PCDHA4: variants seen among roughly 807,000 people sequenced by gnomAD.
PCDHA4 encodes the protein protocadherin alpha 4, also known as protocadherin alpha-4.
PCDHA4 carries 49 observed loss-of-function variants against 61.4 expected under a neutral mutation model. The observed-to-expected ratio is 0.80, with a 90% confidence interval of 0.63 to 1.01. PCDHA4 has a LOEUF of 1.01. Ranked by LOEUF, PCDHA4 falls within the 50% of genes least tolerant of loss-of-function variation. The pLI is 0.00. For missense variants in PCDHA4, 1,254 were observed against 1,235.8 expected (o/e 1.01, Z -0.22); for synonymous variants, 590 against 550.3 (o/e 1.07, Z -1.01).
At position 140,927,719 on chromosome 5, in the gene PCDHA4, C is replaced by A. The variant is rs144571902; in HGVS notation, c.2386-51230C>A. Reference sequence around the variant, plus strand: ...GTCCAGTACTCCCTAAGCAACAGCACGCAAGCAGAGCTGCGACACCGCTTT... The same window carrying A: ...GTCCAGTACTCCCTAAGCAACAGCAAGCAAGCAGAGCTGCGACACCGCTTT... On this transcript the variant is annotated intron_variant, in intron 1 of 3. Transcript: ENST00000530339. The A allele has an allele frequency of 2.2e-4, 352 of 1,614,178 alleles. No individual in the cohort carries two copies. In the Middle Eastern group the frequency reaches 2.3e-3, roughly 11 times the overall value.
At chr5:140,831,694 A>G (rs1771669768) in intron 1 of PCDHA4, among the ~76,000 whole-genome samples, 1 of 152,076 alleles carries the variant, frequency 6.6e-6, no homozygotes. Context: ...AAAGCAGCAA[A>G]AAGTAGTGAT....
At chr5:140,877,080 C>T in intron 1 of PCDHA4, 2 of 1,613,062 alleles carry the variant, frequency 1.2e-6, no homozygotes, top group East Asian at 2.2e-5. Context: ...TCCAGGTGAG[C>T]GCGCGCGACG....
chr5:140,883,771 G>A (rs782418376), intron 1 of PCDHA4: 11 of 1,612,346 alleles, frequency 6.8e-6, no homozygotes, highest in African/African-American at 1.3e-5. Context: ...GGGTGGGCGA[G>A]CGTGCGCTGT....
chr5:140,843,962 A>G (rs1554140497), intron 1 of PCDHA4, among the ~76,000 whole-genome samples: 1 of 149,518 alleles, frequency 6.7e-6, no homozygotes, highest in Non-Finnish European at 1.5e-5. Context: ...TTTACTGAAT[A>G]TTTATTTTGG....
chr5:140,991,308 C>T (rs374484318), intron 3 of PCDHA4, among the ~76,000 whole-genome samples: 1 of 152,282 alleles, frequency 6.6e-6, no homozygotes, highest in South Asian at 2.1e-4. Flanking sequence ...ATTATCTTGT[C>T]CCGCATGATA....
chr5:140,873,131 T>C (rs895883185), intron 1 of PCDHA4, among the ~76,000 whole-genome samples: 7 of 152,334 alleles, frequency 4.6e-5, no homozygotes, highest in Admixed American at 3.9e-4. Context: ...TCAAAGAGTC[T>C]ATGCTGAAGC....
chr5:140,834,686 G>A (rs2150224361), intron 1 of PCDHA4: 2 of 1,614,276 alleles, frequency 1.2e-6, no homozygotes, highest in Non-Finnish European at 1.7e-6. Context: ...GGAGCGCGGA[G>A]TGCAGCATCC....
At chr5:140,852,947 T>C in intron 1 of PCDHA4, 2 of 520,496 alleles carry the variant, frequency 3.8e-6, no homozygotes, top group Non-Finnish European at 2.5e-6. Flanking sequence ...GGTGCCATCT[T>C]GGCTCACTCC....
At position 140,809,160 on chromosome 5, in the gene PCDHA4, C is replaced by G; in HGVS notation, c.1973C>G (p.Ala658Gly). Residue 658 changes from alanine to glycine, a missense_variant, in exon 1 of 4, where the codon GCG (alanine) becomes GGG (glycine). Physicochemically the swap from Ala to Gly is moderately conservative, Grantham distance 60. Coordinates refer to ENST00000530339, the MANE Select transcript of PCDHA4 (RefSeq NM_018907.4). ...CTGGTGAAGGACCACGGCGAGCCCG[C>G]GCTGACGGCCACGGCCACTGTGCTG... ...LVLVKDHGEP[A>G]LTATATVLVS... 1 of 1,613,980 alleles carries G rather than the reference C, an allele frequency of 6.2e-7. No individual in the cohort carries two copies. The highest frequency in any genetic ancestry group is 8.5e-7 in the Non-Finnish European group (1 of 1,179,930).
intron 1 of PCDHA4, among the ~76,000 whole-genome samples, chr5:140,941,193 TTCTTTCTTC>T (rs1563183581): frequency 8.6e-6 from 1 of 116,638 alleles, no homozygotes; most frequent in Non-Finnish European, 1.8e-5. Flanking sequence ...TTCTTTTTTT[TTCTTTCTTC>T]CTTTCTTTCT....
intron 1 of PCDHA4, chr5:140,834,421 A>G (rs1772980972): frequency 6.2e-7 from 1 of 1,612,030 alleles, no homozygotes; most frequent in Non-Finnish European, 8.5e-7. Flanking sequence ...GGGGGCCGAC[A>G]TCTACTGCTG....
At position 141,011,465 on chromosome 5, in the gene PCDHA4, G is replaced by A. The variant is rs2098420693; in HGVS notation, c.*1528G>A. ...TGAACTTTAAGCTTTATTGTTGAAT[G>A]TAATTCCATTATATTTCCTTTTGTA... On this transcript the variant is annotated 3_prime_UTR_variant, in exon 4 of 4. Transcript: ENST00000530339. The A allele has an allele frequency of 6.5e-6, 1 of 153,770 alleles. No individual in the cohort carries two copies. The highest frequency in any genetic ancestry group is 2.4e-5 in the African/African-American group (1 of 41,452). The allele number at this position is 153,770 out of a possible 1,614,324, so 9.5% of individuals were successfully genotyped here.
chr5:140,928,694 C>T, intron 1 of PCDHA4: 1 of 1,614,166 alleles, frequency 6.2e-7, no homozygotes, highest in South Asian at 1.1e-5. Flanking sequence ...TACCACATCT[C>T]CCGGGCGTCT....
intron 1 of PCDHA4, chr5:140,854,181 AGTTT>A (rs1554147112): frequency 9.2e-6 from 4 of 434,258 alleles, no homozygotes; most frequent in Non-Finnish European, 1.2e-5. Flanking sequence ...AAAAAAGAGT[AGTTT>A]AACTACTCCC....
chr5:140,905,593 G>C (rs781937038), intron 1 of PCDHA4, among the ~76,000 whole-genome samples: 1 of 152,072 alleles, frequency 6.6e-6, no homozygotes, highest in Non-Finnish European at 1.5e-5. Context: ...TATTTTGCTG[G>C]GAATTGCATT....
At chr5:140,869,529 T>A in intron 1 of PCDHA4, 2 of 1,614,166 alleles carry the variant, frequency 1.2e-6, no homozygotes, top group Non-Finnish European at 1.7e-6. Flanking sequence ...AGCTGCTGAT[T>A]GCGGAATCTA....
chr5:140,821,676 A>C, intron 1 of PCDHA4: 1 of 1,310,990 alleles, frequency 7.6e-7, no homozygotes, highest in Non-Finnish European at 1.0e-6. Flanking sequence ...AAGCTCAGAA[A>C]GGCGATAATA....
Position 140,841,598 on chromosome 5 carries a change from G to T in PCDHA4, c.2385+32026G>T, listed in dbSNP as rs2150318945. 1.9e-6 allele frequency: 3 copies of T among 1,614,142 alleles called. No homozygotes were observed. The South Asian group carries it at 3.3e-5, about 18-fold the overall frequency. On this transcript the variant is annotated intron_variant, in intron 1 of 3. Coordinates refer to ENST00000530339, the MANE Select transcript of PCDHA4 (RefSeq NM_018907.4). ...GTTTGTGAATTCTCGGATCGACCGCGAGGAGCTGTGCGGGCGGAGCGCGGA... is the reference window on the plus strand; with the variant it reads ...GTTTGTGAATTCTCGGATCGACCGCTAGGAGCTGTGCGGGCGGAGCGCGGA...
intron 1 of PCDHA4, chr5:140,871,730 T>C: frequency 2.8e-6 from 2 of 714,038 alleles, no homozygotes; most frequent in Middle Eastern, 4.1e-4. Flanking sequence ...TAATATTTGG[T>C]TAGCAAATCC....
Sources: gnomAD v4.1 joint callset for allele counts (sites outside exome capture counted in the v4.1 genomes callset) on GRCh38, gnomAD v4.1.1 for gene constraint, MANE v1.5 for transcripts, NCBI Gene and HGNC (gene_info 2026-07-23, HGNC 2026-07-21) for gene names.